METTL15: variants seen among roughly 807,000 people sequenced by gnomAD.
METTL15 encodes the protein methyltransferase 15, mitochondrial 12S rRNA N4-cytidine.
In METTL15, 34 loss-of-function variants were observed where a neutral mutation model predicts 38.3. The observed-to-expected ratio is 0.89, with a 90% CI of 0.68 to 1.18. METTL15 has a LOEUF of 1.18. Ranked by LOEUF, METTL15 falls within the 50% of genes most tolerant of loss-of-function variation. The pLI, the probability that METTL15 is intolerant of heterozygous loss-of-function variation, is 0.00. For missense variants in METTL15, 438 were observed against 498.4 expected (o/e 0.88, Z 1.15); for synonymous variants, 162 against 170.9 (o/e 0.95, Z 0.41).
chr11:28,248,469 G>T (rs1169877350), intron 4 of METTL15, among the ~76,000 whole-genome samples: 3 of 151,960 alleles, frequency 2.0e-5, no homozygotes, highest in African/African-American at 7.2e-5. Context: ...GTTGATTCAG[G>T]CCAGTGGATA....
intron 3 of METTL15, among the ~76,000 whole-genome samples, chr11:28,342,106 A>C (rs1849957724): frequency 6.6e-6 from 1 of 152,158 alleles, no homozygotes. Context: ...AAGAGTGACA[A>C]CTTACAGAAG....
intron 5 of METTL15, among the ~76,000 whole-genome samples, chr11:28,375,077 A>T (rs1326164082): frequency 1.3e-5 from 2 of 150,102 alleles, no homozygotes; most frequent in African/African-American, 4.9e-5. Context: ...CCAGTAGTTT[A>T]TTTATGATTT....
At chr11:28,196,642 A>G (rs533827889) in intron 3 of METTL15, among the ~76,000 whole-genome samples, 7 of 152,112 alleles carry the variant, frequency 4.6e-5, no homozygotes, top group Admixed American at 1.3e-4. Flanking sequence ...ATCATTGGCA[A>G]ACAAATAGTT....
At position 28,198,708 on chromosome 11, in the gene METTL15, C is replaced by G. The variant is rs115271657; in HGVS notation, c.271-12354C>G. ...CGAGCTTCACAAGACAATAATAAAT[C>G]AAGGGTTTTGGTAGGAGAAATGTTT... On this transcript the variant is annotated intron_variant, in intron 3 of 6. Coordinates refer to ENST00000407364, the MANE Select transcript of METTL15 (RefSeq NM_001113528.2). Among the ~76,000 whole-genome samples, 419 of 152,096 alleles carry G rather than the reference C, an allele frequency of 2.8e-3. 1 individual carries two copies. Among genetic ancestry groups the G allele is most frequent in the African/African-American group, 8.6e-3 (358 of 41,514 alleles).
chr11:28,389,488 T>G (rs1413084475), intron 5 of METTL15, among the ~76,000 whole-genome samples: 1 of 150,480 alleles, frequency 6.6e-6, no homozygotes, highest in South Asian at 2.1e-4. Context: ...GGTGTTTGAT[T>G]TTTTGTCCTT....
At chr11:28,291,463 G>T (rs1032599807) in intron 5 of METTL15, among the ~76,000 whole-genome samples, 3 of 152,080 alleles carry the variant, frequency 2.0e-5, no homozygotes, top group Non-Finnish European at 2.9e-5. Flanking sequence ...CTTAACTGTG[G>T]TTTTTTCTCT....
chr11:28,447,104 A>G (rs181125123), intron 6 of METTL15, among the ~76,000 whole-genome samples: 151 of 152,254 alleles, frequency 9.9e-4, no homozygotes, highest in African/African-American at 1.9e-3. Context: ...TAATGTTAGG[A>G]TATTTTCTTA....
intron 3 of METTL15, among the ~76,000 whole-genome samples, chr11:28,126,089 T>C (rs2133618492): frequency 6.6e-6 from 1 of 152,234 alleles, no homozygotes. Flanking sequence ...TGGGATTTTC[T>C]TGGTGAAAGT....
intron 3 of METTL15, chr11:28,121,997 T>G (rs1852260138): frequency 2.4e-6 from 1 of 413,122 alleles, no homozygotes; most frequent in Non-Finnish European, 3.5e-6. Context: ...AGACAACAAT[T>G]AAATGTTGAA....
intron 3 of METTL15, among the ~76,000 whole-genome samples, chr11:28,188,484 G>A (rs1851587177): frequency 6.6e-6 from 1 of 151,184 alleles, no homozygotes; most frequent in African/African-American, 2.4e-5. Context: ...ATGAACAAAT[G>A]TTTTAAAAAT....
intron 6 of METTL15, among the ~76,000 whole-genome samples, chr11:28,436,744 G>T (rs761646842): frequency 6.6e-6 from 1 of 152,152 alleles, no homozygotes; most frequent in Non-Finnish European, 1.5e-5. Flanking sequence ...AGGTTTTCAA[G>T]GGTAGAAATC....
intron 6 of METTL15, among the ~76,000 whole-genome samples, chr11:28,510,394 A>G (rs1851664638): frequency 6.6e-6 from 1 of 152,236 alleles, no homozygotes; most frequent in Non-Finnish European, 1.5e-5. Context: ...ATTAAAGATT[A>G]GATTCCCAAA....
downstream of METTL15, among the ~76,000 whole-genome samples, chr11:28,336,088 C>T (rs983707885): frequency 1.3e-5 from 2 of 152,086 alleles, no homozygotes; most frequent in Non-Finnish European, 2.9e-5. Flanking sequence ...TTAAGTGCAG[C>T]GTCTGCATCA....
intron 5 of METTL15, among the ~76,000 whole-genome samples, chr11:28,381,410 T>C (rs1022726901): frequency 6.6e-6 from 1 of 152,178 alleles, no homozygotes; most frequent in African/African-American, 2.4e-5. Context: ...TTTGCAAGTT[T>C]TGTAGTCTTT....
At chr11:28,245,888 G>T (rs947588296) in intron 4 of METTL15, among the ~76,000 whole-genome samples, 3 of 152,014 alleles carry the variant, frequency 2.0e-5, no homozygotes, top group Admixed American at 2.0e-4. Context: ...AGAACAGTAA[G>T]GGGGAAATCC....
intron 6 of METTL15, among the ~76,000 whole-genome samples, chr11:28,525,570 C>T (rs1175213186): frequency 1.3e-5 from 2 of 151,598 alleles, no homozygotes; most frequent in South Asian, 2.1e-4. Context: ...AGACACAGAG[C>T]GCTGATTGGT....
chr11:28,426,918 T>TG (rs1302110955), intron 6 of METTL15, among the ~76,000 whole-genome samples: 1 of 152,182 alleles, frequency 6.6e-6, no homozygotes, highest in Middle Eastern at 3.2e-3. Context: ...TAGGTTTTTT[T>TG]TCTGTGTAGA....
intron 6 of METTL15, among the ~76,000 whole-genome samples, chr11:28,320,359 G>A (rs562994622): frequency 4.6e-5 from 7 of 151,882 alleles, no homozygotes; most frequent in Non-Finnish European, 1.0e-4. Flanking sequence ...AGGAGTTCAA[G>A]ACCAGCCTAG....
At chr11:28,292,919 A>G (rs974007540) in intron 5 of METTL15, among the ~76,000 whole-genome samples, 2 of 151,800 alleles carry the variant, frequency 1.3e-5, no homozygotes, top group African/African-American at 2.4e-5. Context: ...TTTTTCTTGT[A>G]AATTTGTTGG....
Sources: gnomAD v4.1 joint callset for allele counts (sites outside exome capture counted in the v4.1 genomes callset) on GRCh38, gnomAD v4.1.1 for gene constraint, MANE v1.5 for transcripts, NCBI Gene and HGNC (gene_info 2026-07-23, HGNC 2026-07-21) for gene names.